VTCN1: variants seen among roughly 807,000 people sequenced by gnomAD.
VTCN1 encodes the protein V-set domain containing T cell activation inhibitor 1, also known as V-set domain-containing T-cell activation inhibitor 1.
In VTCN1, 26 loss-of-function variants were observed where a neutral mutation model predicts 26.5. That is an observed-to-expected ratio of 0.98 (90% CI 0.72 to 1.36). VTCN1 has a LOEUF of 1.36. VTCN1 is among the 40% of genes most tolerant of loss of function. VTCN1 has a pLI of 0.00. For missense variants in VTCN1, 298 were observed against 337.7 expected, an observed-to-expected ratio of 0.88 and a Z score of 0.92; for synonymous variants, 116 against 130.7, an observed-to-expected ratio of 0.89 and a Z score of 0.77.
At chr1:117,201,575 T>C (rs1648789327) in intron 1 of VTCN1, among the ~76,000 whole-genome samples, 2 of 152,194 alleles carry the variant, frequency 1.3e-5, no homozygotes, top group South Asian at 4.1e-4. Context: ...ATTCCTTGCA[T>C]ACTGTCCTTC....
At chr1:117,176,708 A>G (rs1424157128) in intron 1 of VTCN1, among the ~76,000 whole-genome samples, 8 of 152,266 alleles carry the variant, frequency 5.3e-5, no homozygotes. Context: ...TGAGTAAATC[A>G]AGTTGCAGCA....
At position 117,161,106 on chromosome 1, in the gene VTCN1, A is replaced by C. The variant is rs902067500; in HGVS notation, c.98-4185T>G. ...TGGGAGACGAATTATGAAAGAGGAC[A>C]AAATGAAGTTTTTGCTGTGTAATAA... is the stretch of plus-strand genomic sequence containing the variant. On this transcript the variant is annotated intron_variant, in intron 2 of 5. Transcript: ENST00000369458. The surrounding 1 kb of genome is among the most constrained non-coding windows in gnomAD (Gnocchi z 4.3). 6.6e-6 allele frequency among the ~76,000 whole-genome samples: 1 copy of C among 152,200 alleles called. No homozygotes were observed. Among genetic ancestry groups the C allele is most frequent in the African/African-American group, 2.4e-5 (1 of 41,452 alleles).
chr1:117,151,824 G>C (rs921263518), intron 4 of VTCN1, among the ~76,000 whole-genome samples: 1 of 152,048 alleles, frequency 6.6e-6, no homozygotes, highest in African/African-American at 2.4e-5. Context: ...CAGTGCATGA[G>C]GGTTCCAATT....
At chr1:117,170,396 T>C (rs1366037716) in intron 1 of VTCN1, 1 of 618,588 alleles carries the variant, frequency 1.6e-6, no homozygotes, top group Non-Finnish European at 3.1e-6. Flanking sequence ...GAGTGACCCT[T>C]GCCTCTGACT....
chr1:117,190,812 A>T (rs1003312379), intron 1 of VTCN1, among the ~76,000 whole-genome samples: 1 of 152,234 alleles, frequency 6.6e-6, no homozygotes, highest in Admixed American at 6.5e-5. Flanking sequence ...TCTAAAACAG[A>T]TGTTTGGTCC....
chr1:117,196,399 T>TAG (rs1458134994), intron 1 of VTCN1, among the ~76,000 whole-genome samples: 65 of 147,708 alleles, frequency 4.4e-4, no homozygotes, highest in African/African-American at 1.6e-3. Context: ...CATATATATA[T>TAG]ATATAGAGAG....
At chr1:117,148,061 G>T (rs1651608090) in intron 4 of VTCN1, among the ~76,000 whole-genome samples, 1 of 152,114 alleles carries the variant, frequency 6.6e-6, no homozygotes, top group Non-Finnish European at 1.5e-5. Context: ...TAAAGAATAG[G>T]CTAAACAAAC....
At chr1:117,203,774 A>C in intron 1 of VTCN1, 4 of 985,420 alleles carry the variant, frequency 4.1e-6, no homozygotes, top group Non-Finnish European at 4.8e-6. Flanking sequence ...GGAATCAGGG[A>C]GCACAGAGCG....
chr1:117,154,220 C>T (rs930300210), intron 3 of VTCN1, among the ~76,000 whole-genome samples: 3 of 152,078 alleles, frequency 2.0e-5, no homozygotes, highest in East Asian at 3.9e-4. Flanking sequence ...CGCTCTTGGG[C>T]GATGATGTGG....
rs182194689 is a variant in VTCN1, at chr1:117,160,560, G to T, written c.98-3639C>A. Among the ~76,000 whole-genome samples the T allele has an allele frequency of 8.7e-4, 132 of 152,278 alleles. 1 individual carries two copies. Among genetic ancestry groups the T allele is most frequent in the Non-Finnish European group, 1.5e-3 (103 of 68,022 alleles). On this transcript the variant is annotated intron_variant, in intron 2 of 5. Transcript: ENST00000369458. Reference sequence around the variant, plus strand: ...AGCCTGGACTTCAAAGCTAAACACTGCCTGCTACATAGTAAATGCTCCATA... The same window carrying T: ...AGCCTGGACTTCAAAGCTAAACACTTCCTGCTACATAGTAAATGCTCCATA...
In VTCN1 at chr1:117,143,918, C is replaced by A. The variant is rs934014253; in HGVS notation, c.*1353G>T. On this transcript the variant is annotated 3_prime_UTR_variant, in exon 6 of 6. Coordinates refer to ENST00000369458, the MANE Select transcript of VTCN1 (RefSeq NM_024626.4). ...GAGTAAGAAAACCTGAGCTAGAACT[C>A]AGGCATTTCTCTTACAGAACTTGGC... 10 of 152,188 alleles carry A rather than the reference C, an allele frequency of 6.6e-5. No individual in the cohort carries two copies. Among genetic ancestry groups the A allele is most frequent in the African/African-American group, 2.4e-4 (10 of 41,434 alleles). The allele number at this position is 152,188 out of a possible 1,614,324, so 9.4% of individuals were successfully genotyped here.
chr1:117,164,995 A>T (rs1223444173), intron 2 of VTCN1, among the ~76,000 whole-genome samples: 1 of 152,286 alleles, frequency 6.6e-6, no homozygotes, highest in East Asian at 1.9e-4. Context: ...CAGGAGAGTT[A>T]CAAAGAAATA....
intron 1 of VTCN1, among the ~76,000 whole-genome samples, chr1:117,209,399 C>T (rs922482099): frequency 2.6e-5 from 4 of 152,152 alleles, no homozygotes; most frequent in Non-Finnish European, 5.9e-5. Flanking sequence ...AGAACTGGGA[C>T]TGGCAGGAGC....
At chr1:117,196,019 G>T (rs564899223) in intron 1 of VTCN1, among the ~76,000 whole-genome samples, 1 of 152,214 alleles carries the variant, frequency 6.6e-6, no homozygotes, top group South Asian at 2.1e-4. Context: ...AGGCATATTG[G>T]CATGCACCCA....
intron 1 of VTCN1, among the ~76,000 whole-genome samples, chr1:117,207,984 T>C (rs960889237): frequency 3.3e-5 from 5 of 152,124 alleles, no homozygotes; most frequent in African/African-American, 1.2e-4. Flanking sequence ...GCTGCCCACC[T>C]GAGACGAAAA....
At chr1:117,164,643 G>A (rs1275308036) in intron 2 of VTCN1, among the ~76,000 whole-genome samples, 1 of 152,172 alleles carries the variant, frequency 6.6e-6, no homozygotes, top group African/African-American at 2.4e-5. Flanking sequence ...TTTTACCAAT[G>A]AGGAAACATT....
chr1:117,193,102 T>C (rs888616646), intron 1 of VTCN1, among the ~76,000 whole-genome samples: 2 of 152,180 alleles, frequency 1.3e-5, no homozygotes, highest in Non-Finnish European at 2.9e-5. Flanking sequence ...ATTCAAAGTA[T>C]ATGGGAGATG....
intron 2 of VTCN1, among the ~76,000 whole-genome samples, chr1:117,158,404 A>G (rs1643645494): frequency 6.6e-6 from 1 of 152,182 alleles, no homozygotes; most frequent in Non-Finnish European, 1.5e-5. Context: ...TCAACACCAC[A>G]TAGAAGCTGC....
At chr1:117,194,243 TA>T (rs1205610332) in intron 1 of VTCN1, among the ~76,000 whole-genome samples, 1 of 152,092 alleles carries the variant, frequency 6.6e-6, no homozygotes, top group Non-Finnish European at 1.5e-5. Context: ...AGAAGATACG[TA>T]AATGGCTAAC....
Sources: gnomAD v4.1 joint callset for allele counts (sites outside exome capture counted in the v4.1 genomes callset) on GRCh38, gnomAD v4.1.1 for gene constraint, Gnocchi (gnomAD v3.1) non-coding constraint, MANE v1.5 for transcripts, NCBI Gene and HGNC (gene_info 2026-07-23, HGNC 2026-07-21) for gene names.